The following MTUS2 variants were observed in gnomAD, a reference collection of about 807,000 sequenced individuals.
The protein encoded by MTUS2 is microtubule associated scaffold protein 2, also known as microtubule-associated tumor suppressor candidate 2.
A neutral mutation model predicts 114.1 loss-of-function variants in MTUS2; 40 were observed. The observed-to-expected ratio is 0.35, with a 90% CI of 0.27 to 0.46. The LOEUF is 0.46. Among genes scored for constraint, MTUS2 ranks in the 20% least tolerant of loss-of-function variants. MTUS2 has a pLI of 1.00. For missense variants in MTUS2, 1,679 were observed against 1,705.4 expected, an observed-to-expected ratio of 0.98 and a Z score of 0.27; for synonymous variants, 688 against 672.0, an observed-to-expected ratio of 1.02 and a Z score of -0.37.
intron 2 of MTUS2, among the ~76,000 whole-genome samples, chr13:28,989,971 C>T (rs1566273651): frequency 6.6e-6 from 1 of 151,922 alleles, no homozygotes; most frequent in Non-Finnish European, 1.5e-5. Flanking sequence ...GTGTGCCTGG[C>T]CCCTCTGCCC....
intron 5 of MTUS2, among the ~76,000 whole-genome samples, chr13:29,227,662 A>C (rs1047743211): frequency 1.9e-4 from 29 of 152,234 alleles, no homozygotes; most frequent in Admixed American, 9.2e-4. Flanking sequence ...CAGGAATGCT[A>C]TCTCTCTAAC....
At chr13:29,189,595 T>C (rs1020842082) in intron 5 of MTUS2, among the ~76,000 whole-genome samples, 55 of 152,194 alleles carry the variant, frequency 3.6e-4, no homozygotes, top group African/African-American at 1.3e-3. Flanking sequence ...ATTATGCAAC[T>C]TGCCAATGTA....
At chr13:28,893,075 C>G (rs570433645) in intron 2 of MTUS2, among the ~76,000 whole-genome samples, 3 of 152,246 alleles carry the variant, frequency 2.0e-5, no homozygotes, top group African/African-American at 7.2e-5. Context: ...AAGAAATAAC[C>G]TTGGAGGGTT....
chr13:29,453,865 G>A (rs551448165), intron 9 of MTUS2, among the ~76,000 whole-genome samples: 4 of 152,230 alleles, frequency 2.6e-5, no homozygotes, highest in Admixed American at 2.6e-4. Context: ...ATGATTCTTG[G>A]CAGATTTTTT....
chr13:29,279,600 G>C (rs558865621), intron 5 of MTUS2, among the ~76,000 whole-genome samples: 1 of 152,286 alleles, frequency 6.6e-6, no homozygotes, highest in Admixed American at 6.5e-5. Flanking sequence ...ACTTAAGCCA[G>C]TTTTCAAAGA....
intron 2 of MTUS2, among the ~76,000 whole-genome samples, chr13:28,910,292 T>C (rs1242104010): frequency 2.0e-5 from 3 of 152,238 alleles, no homozygotes; most frequent in East Asian, 3.8e-4. Flanking sequence ...TTTCTCTTTC[T>C]GTGCCTAACT....
At chr13:29,278,695 A>T (rs1241828285) in intron 5 of MTUS2, among the ~76,000 whole-genome samples, 4 of 152,214 alleles carry the variant, frequency 2.6e-5, no homozygotes. Context: ...AACTGAGCAA[A>T]CTTCCCTGTG....
chr13:28,890,005 G>A (rs1379290687), intron 2 of MTUS2, among the ~76,000 whole-genome samples: 1 of 152,038 alleles, frequency 6.6e-6, no homozygotes, highest in Admixed American at 6.6e-5. Flanking sequence ...TGTTTTGGAG[G>A]GCATAGCAAG....
At chr13:29,239,010 G>A (rs1167005689) in intron 5 of MTUS2, among the ~76,000 whole-genome samples, 1 of 152,104 alleles carries the variant, frequency 6.6e-6, no homozygotes, top group Non-Finnish European at 1.5e-5. Flanking sequence ...TATGCAGGAT[G>A]AATAAGTTCT....
At chr13:29,300,199 G>A (rs931315373) in intron 6 of MTUS2, among the ~76,000 whole-genome samples, 5 of 152,124 alleles carry the variant, frequency 3.3e-5, no homozygotes, top group African/African-American at 1.2e-4. Context: ...TACCTATAGT[G>A]CCAGAAGAGA....
At chr13:29,460,985 C>T (rs1395598695) in intron 9 of MTUS2, among the ~76,000 whole-genome samples, 1 of 151,340 alleles carries the variant, frequency 6.6e-6, no homozygotes, top group Non-Finnish European at 1.5e-5. Flanking sequence ...CAGGTAGTTT[C>T]TTAGGGGTGT....
At chr13:29,311,885 T>G (rs1444157434) in intron 6 of MTUS2, among the ~76,000 whole-genome samples, 3 of 152,106 alleles carry the variant, frequency 2.0e-5, no homozygotes, top group Non-Finnish European at 4.4e-5. Context: ...GAGGGAAACT[T>G]AGTAAGAATA....
chr13:29,253,102 C>T (rs1897180776), intron 5 of MTUS2, among the ~76,000 whole-genome samples: 1 of 149,040 alleles, frequency 6.7e-6, no homozygotes, highest in Non-Finnish European at 1.5e-5. Context: ...CTTCTCAGGG[C>T]CTCATCCTGG....
At chr13:29,198,323 G>T in intron 5 of MTUS2, among the ~76,000 whole-genome samples, 1 of 152,164 alleles carries the variant, frequency 6.6e-6, no homozygotes, top group East Asian at 1.9e-4. Context: ...TTATTAAATA[G>T]GGAATCCTTT....
At chr13:28,867,054 G>A (rs1205138735) in intron 2 of MTUS2, among the ~76,000 whole-genome samples, 1 of 152,156 alleles carries the variant, frequency 6.6e-6, no homozygotes, top group African/African-American at 2.4e-5. Context: ...CATTAGGGAA[G>A]TTTTAAATCA....
chr13:28,973,810 G>C (rs1035138309), intron 2 of MTUS2, among the ~76,000 whole-genome samples: 1 of 152,214 alleles, frequency 6.6e-6, no homozygotes, highest in Admixed American at 6.5e-5. Flanking sequence ...GAAGAAGGCA[G>C]GCGAGAAATA....
In MTUS2 at chr13:29,438,453, C is replaced by G. The variant is rs576223197; in HGVS notation, c.3118-1530C>G. ...GGGAAGCCCAAGATCTAGGCTCCAG[C>G]AGTTTCAGTGTCAGGTGCGGGCCAC... On this transcript the variant is annotated intron_variant, in intron 8 of 15. Transcript: ENST00000612955. Among the ~76,000 whole-genome samples, 44 of 152,274 alleles carry G rather than the reference C, an allele frequency of 2.9e-4. 1 individual carries two copies. The South Asian group carries it at 7.9e-3, about 27-fold the overall frequency.
At position 29,337,354 on chromosome 13, in the gene MTUS2, A is replaced by G. The variant is rs548238008; in HGVS notation, c.2905+12643A>G. 2.6e-5 allele frequency among the ~76,000 whole-genome samples: 4 copies of G among 152,246 alleles called. No individual in the cohort carries two copies. The South Asian group carries it at 8.3e-4, about 32-fold the overall frequency. ...GCGCAGTTTCTGGCCCAAATGCACC[A>G]TTCCTCATGGTACAGTCCCTCATGG... On this transcript the variant is annotated intron_variant, in intron 7 of 15. Coordinates refer to ENST00000612955, the MANE Select transcript of MTUS2 (RefSeq NM_001033602.4).
Position 29,026,236 on chromosome 13 carries a change from T to C in MTUS2, c.1538T>C (p.Leu513Pro). Residue 513 changes from leucine to proline, a missense_variant, in exon 3 of 16, where the codon CTA becomes CCA. Coordinates refer to ENST00000612955, the MANE Select transcript of MTUS2 (RefSeq NM_001033602.4). ...TCTGTTGCTGAAAACAGGAACCTTCTAGAGAATGCAGATAAGATTGAAAGC... is the reference window on the plus strand; with the variant it reads ...TCTGTTGCTGAAAACAGGAACCTTCCAGAGAATGCAGATAAGATTGAAAGC... The part of the protein sequence containing the change: ...TTSVAENRNL[L>P]ENADKIESTS... 6.2e-7 allele frequency: 1 copy of C among 1,613,988 alleles called. No individual in the cohort carries two copies. The highest frequency in any genetic ancestry group is 8.5e-7 in the Non-Finnish European group (1 of 1,179,892).
Sources: allele counts gnomAD v4.1 joint callset (sites outside exome capture counted in the v4.1 genomes callset), GRCh38; gene constraint gnomAD v4.1.1; transcripts MANE v1.5; gene names NCBI Gene and HGNC (gene_info 2026-07-23, HGNC 2026-07-21).